The following PTPRZ1 variants were observed in gnomAD, a reference collection of about 807,000 sequenced individuals.
PTPRZ1 encodes protein tyrosine phosphatase receptor type Z1.
In PTPRZ1, 82 loss-of-function variants were observed where a neutral mutation model predicts 214.1. The observed-to-expected ratio is 0.38, with a 90% CI of 0.32 to 0.46. The LOEUF (loss-of-function observed/expected upper bound fraction) is 0.46, where lower values mean the gene tolerates loss of function less well. Among genes scored for constraint, PTPRZ1 ranks in the 20% least tolerant of loss-of-function variants. The pLI, the probability that PTPRZ1 is intolerant of heterozygous loss-of-function variation, is 1.00. For missense variants in PTPRZ1, 2,603 were observed against 2,748.7 expected, an observed-to-expected ratio of 0.95 and a Z score of 1.19; for synonymous variants, 945 against 987.9, an observed-to-expected ratio of 0.96 and a Z score of 0.81.
intron 12 of PTPRZ1, among the ~76,000 whole-genome samples, chr7:122,015,450 A>G (rs934059324): frequency 1.3e-5 from 2 of 152,092 alleles, no homozygotes; most frequent in African/African-American, 4.8e-5. Flanking sequence ...CTTTTTCTGT[A>G]TTCTGAATTG....
At chr7:122,043,332 A>G (rs1799787523) in intron 22 of PTPRZ1, among the ~76,000 whole-genome samples, 1 of 152,212 alleles carries the variant, frequency 6.6e-6, no homozygotes, top group South Asian at 2.1e-4. Flanking sequence ...CAAAAGTCTA[A>G]GTAGAGTGGT....
At chr7:121,940,190 T>C (rs1190914043) in intron 2 of PTPRZ1, among the ~76,000 whole-genome samples, 2 of 152,184 alleles carry the variant, frequency 1.3e-5, no homozygotes, top group Non-Finnish European at 2.9e-5. Flanking sequence ...ATGGCTTACA[T>C]TTTAACTGTT....
chr7:121,998,843 T>A (rs1248313963), intron 10 of PTPRZ1, among the ~76,000 whole-genome samples: 1 of 152,188 alleles, frequency 6.6e-6, no homozygotes, highest in Non-Finnish European at 1.5e-5. Context: ...AGGAGCCTAC[T>A]CATTGAAACT....
chr7:122,052,398 C>T (rs1056996281), intron 25 of PTPRZ1, among the ~76,000 whole-genome samples: 1 of 152,112 alleles, frequency 6.6e-6, no homozygotes, highest in Non-Finnish European at 1.5e-5. Context: ...TGCTTTTCTT[C>T]TGCATTTACA....
At chr7:122,047,009 C>T (rs1022404090) in intron 23 of PTPRZ1, among the ~76,000 whole-genome samples, 1 of 152,098 alleles carries the variant, frequency 6.6e-6, no homozygotes, top group Non-Finnish European at 1.5e-5. Context: ...GGGAAAGTGG[C>T]ATCAGAAGGT....
intron 8 of PTPRZ1, among the ~76,000 whole-genome samples, chr7:121,987,677 CAT>C (rs1323370557): frequency 6.6e-6 from 1 of 152,046 alleles, no homozygotes; most frequent in Non-Finnish European, 1.5e-5. Flanking sequence ...AGTAGTTTTT[CAT>C]ATGTTTCTTA....
rs375756909 is a variant in PTPRZ1 at position 122,061,071 on chromosome 7, G to C, written c.6808-9G>C. On this transcript the variant is annotated splice_polypyrimidine_tract_variant and intron_variant, in intron 29 of 29. Coordinates refer to ENST00000393386, the MANE Select transcript of PTPRZ1 (RefSeq NM_002851.3). Reference sequence around the variant, plus strand: ...TCGCATTTATTACCTCCCATCTTCTGTTCTCTAGGAGCAGTATCAGTTTCT... The same window carrying C: ...TCGCATTTATTACCTCCCATCTTCTCTTCTCTAGGAGCAGTATCAGTTTCT... 6.3e-7 allele frequency: 1 copy of C among 1,578,628 alleles called. No individual in the cohort carries two copies. Among genetic ancestry groups the C allele is most frequent in the African/African-American group, 1.4e-5 (1 of 73,218 alleles).
At chr7:121,916,412 A>G (rs1017364644) in intron 1 of PTPRZ1, among the ~76,000 whole-genome samples, 1 of 152,226 alleles carries the variant, frequency 6.6e-6, no homozygotes, top group Non-Finnish European at 1.5e-5. Flanking sequence ...TCCTGGCCAA[A>G]AACACTACAT....
chr7:121,960,821 G>A (rs1796852276), intron 2 of PTPRZ1, among the ~76,000 whole-genome samples: 1 of 152,074 alleles, frequency 6.6e-6, no homozygotes, highest in South Asian at 2.1e-4. Context: ...ATGGCTGGTG[G>A]AGTAACGTTT....
At chr7:121,979,002 G>T (rs1797523406) in intron 6 of PTPRZ1, among the ~76,000 whole-genome samples, 1 of 151,942 alleles carries the variant, frequency 6.6e-6, no homozygotes, top group Admixed American at 6.6e-5. Context: ...TTGTCTTTAG[G>T]CAGTGATTCT....
intron 10 of PTPRZ1, among the ~76,000 whole-genome samples, chr7:122,001,068 T>C (rs1798308552): frequency 6.6e-6 from 1 of 152,156 alleles, no homozygotes; most frequent in South Asian, 2.1e-4. Context: ...GTGATAAAAC[T>C]ATGCATTTAA....
At chr7:121,994,432 T>C (rs75847789) in intron 8 of PTPRZ1, among the ~76,000 whole-genome samples, 16,471 of 151,054 alleles carry the variant, frequency 0.11, 944 homozygotes, top group East Asian at 0.16. Context: ...GTAGCTGGGA[T>C]TACAGGCGCC....
At chr7:121,987,808 T>A (rs899741675) in intron 8 of PTPRZ1, among the ~76,000 whole-genome samples, 2 of 152,160 alleles carry the variant, frequency 1.3e-5, no homozygotes, top group Non-Finnish European at 2.9e-5. Context: ...TAAAAAAATG[T>A]AGTACATATA....
At chr7:121,913,233 C>T (rs1382471927) in intron 1 of PTPRZ1, among the ~76,000 whole-genome samples, 2 of 152,084 alleles carry the variant, frequency 1.3e-5, no homozygotes, top group East Asian at 3.9e-4. Context: ...TAGAGATACC[C>T]AGTTGGAGAA....
intron 25 of PTPRZ1, 115 bp downstream of exon 25, chr7:122,052,054 T>A: frequency 1.4e-6 from 1 of 730,594 alleles, no homozygotes; most frequent in Admixed American, 3.4e-5. Flanking sequence ...TAAATTTAAG[T>A]TAAATCTGTT....
In PTPRZ1 at chr7:122,012,318, C is replaced by T; in HGVS notation, c.3272C>T (p.Ser1091Phe). The change falls in exon 12 of 30, where the codon TCC (serine) becomes TTC (phenylalanine). Residue 1091 changes from serine to phenylalanine, a missense_variant. Physicochemically the swap from Ser to Phe is radical, Grantham distance 155. Coordinates refer to ENST00000393386, the MANE Select transcript of PTPRZ1 (RefSeq NM_002851.3). ...LNASLQETSVSISSTKGMFPG... is the reference protein window; with the variant it reads ...LNASLQETSVFISSTKGMFPG... ...GCGTCTTTACAAGAAACCTCTGTTT[C>T]CATTTCTAGCACCAAGGGCATGTTT... 3.1e-6 allele frequency: 5 copies of T among 1,614,064 alleles called. No homozygotes were observed. The highest frequency in any genetic ancestry group is 3.4e-6 in the Non-Finnish European group (4 of 1,179,972).
chr7:121,904,897 A>G lies in PTPRZ1; in HGVS notation c.59-23259A>G, dbSNP rs531151613. On this transcript the variant is annotated intron_variant, in intron 1 of 29. Transcript: ENST00000393386. Reference sequence around the variant, plus strand: ...GAAAAATAATGATATTAGGTAATCTACAATCTTTTAGCTTTTACATGAACC... The same window carrying G: ...GAAAAATAATGATATTAGGTAATCTGCAATCTTTTAGCTTTTACATGAACC... 2.8e-4 allele frequency among the ~76,000 whole-genome samples: 42 copies of G among 152,338 alleles called. No individual in the cohort carries two copies. The South Asian group carries it at 7.5e-3, about 27-fold the overall frequency.
rs775598418 is a variant in PTPRZ1 at position 122,010,926 on chromosome 7, C to T, written c.1880C>T (p.Ala627Val). 1.5e-5 allele frequency: 24 copies of T among 1,613,924 alleles called. No homozygotes were observed. The highest frequency in any genetic ancestry group is 4.2e-6 in the Non-Finnish European group (5 of 1,179,994). Residue 627 changes from alanine (A) to valine (V), a missense_variant, in exon 12 of 30, where the codon GCT (alanine) becomes GTT (valine). Physicochemically the swap from Ala to Val is moderately conservative, Grantham distance 64. This residue lies in a region of PTPRZ1 where 1,913 missense variants were observed against 1,914.3 expected (regional missense o/e 1.00). Coordinates refer to ENST00000393386, the MANE Select transcript of PTPRZ1 (RefSeq NM_002851.3). ...TATGATGTCCTTATACCAGAATCTGCTAGAAATGCTTCCGAAGATTCAACT... is the reference window on the plus strand; with the variant it reads ...TATGATGTCCTTATACCAGAATCTGTTAGAAATGCTTCCGAAGATTCAACT... ...ITYDVLIPES[A>V]RNASEDSTSS... is the part of the protein sequence containing the mutation.
rs1482821199 is a variant in PTPRZ1, at chr7:122,058,797, T to C, written c.6529-3T>C. ...AACATTACTTTGTGTTTTCTTGTTA[T>C]AGGATGATTATGTACTTGAAGTGAG... On this transcript the variant is annotated splice_polypyrimidine_tract_variant and splice_region_variant and intron_variant, in intron 27 of 29. Transcript: ENST00000393386. The C allele has an allele frequency of 6.2e-7, 1 of 1,600,954 alleles. No individual in the cohort carries two copies. The highest frequency in any genetic ancestry group is 1.1e-5 in the South Asian group (1 of 90,144).
Sources: allele counts gnomAD v4.1 joint callset (sites outside exome capture counted in the v4.1 genomes callset), GRCh38; gene constraint gnomAD v4.1.1; regional missense constraint gnomAD v4.1.1; transcripts MANE v1.5; gene names NCBI Gene and HGNC (gene_info 2026-07-23, HGNC 2026-07-21).